Variants in IL16 observed in about 807,000 individuals in gnomAD.
IL16 encodes pro-interleukin-16.
A neutral mutation model predicts 110.1 loss-of-function variants in IL16; 67 were observed. That is an observed-to-expected ratio of 0.61 (90% CI 0.50 to 0.75). The LOEUF (loss-of-function observed/expected upper bound fraction) is 0.75, where lower values mean the gene tolerates loss of function less well. Ranked by LOEUF, IL16 falls within the 30% of genes least tolerant of loss-of-function variation. The pLI is 0.00. For missense variants in IL16, 1,545 were observed against 1,655.0 expected (o/e 0.93, Z 1.15); for synonymous variants, 689 against 662.9 (o/e 1.04, Z -0.61).
intron 1 of IL16, among the ~76,000 whole-genome samples, chr15:81,224,639 G>A (rs1051009874): frequency 2.0e-5 from 3 of 152,224 alleles, no homozygotes; most frequent in African/African-American, 4.8e-5. Flanking sequence ...CACTTGCCAA[G>A]TGTCACCTTC....
At chr15:81,213,750 T>G (rs1896329719) in intron 1 of IL16, among the ~76,000 whole-genome samples, 1 of 152,212 alleles carries the variant, frequency 6.6e-6, no homozygotes, top group Non-Finnish European at 1.5e-5. Flanking sequence ...CTCTATCCCT[T>G]TATTTTAAGT....
At position 81,313,196 on chromosome 15, in the gene IL16, C is replaced by T; in HGVS notation, c.*4398C>T. ...GCGTGCTCCCAGGCTCCTTGGTGTC[C>T]CAACAGCTGGAGCTCCTCGATGAGT... On this transcript the variant is annotated 3_prime_UTR_variant, in exon 19 of 19. Coordinates refer to ENST00000683961, the MANE Select transcript of IL16 (RefSeq NM_172217.5). 1.4e-6 allele frequency: 2 copies of T among 1,462,796 alleles called. No individual in the cohort carries two copies. The highest frequency in any genetic ancestry group is 1.8e-6 in the Non-Finnish European group (2 of 1,101,234). The allele number at this position is 1,462,796 out of a possible 1,614,324, so 90.6% of individuals were successfully genotyped here.
chr15:81,214,543 C>T (rs1023637724), intron 1 of IL16, among the ~76,000 whole-genome samples: 4 of 138,002 alleles, frequency 2.9e-5, no homozygotes, highest in African/African-American at 6.0e-5. Context: ...TCTCTAATTG[C>T]CTTTAAGATT....
intron 5 of IL16, among the ~76,000 whole-genome samples, chr15:81,272,788 C>G (rs1898699676): frequency 6.6e-6 from 1 of 152,232 alleles, no homozygotes; most frequent in Non-Finnish European, 1.5e-5. Flanking sequence ...ACTGGAGGGA[C>G]AGAGCCAGGG....
intron 3 of IL16, 115 bp downstream of exon 3, chr15:81,259,995 G>A: frequency 5.9e-6 from 4 of 678,382 alleles, no homozygotes; most frequent in Admixed American, 2.4e-5. Context: ...TAGCATTGGA[G>A]TCTGCTCAGC....
chr15:81,296,485 A>G (rs1184080329), intron 12 of IL16, among the ~76,000 whole-genome samples: 2 of 152,218 alleles, frequency 1.3e-5, no homozygotes, highest in Admixed American at 6.5e-5. Context: ...ACAGCAATTG[A>G]CAAGCATTTT....
rs1415196552 is a variant in IL16 at position 81,306,474 on chromosome 15, G to A, written c.3734G>A (p.Gly1245Asp). ...VTLEKMSAGL[G>D]FSLEGGKGSL... is the part of the protein sequence containing the mutation. ...CTGGAGAAGATGTCGGCAGGGCTGG[G>A]CTTCAGCCTGGAAGGAGGGAAGGGC... The change falls in exon 18 of 19, where the codon GGC (glycine) becomes GAC (aspartate). Residue 1245 changes from glycine (G) to aspartate (D), a missense_variant. By Grantham distance (94) the Gly-to-Asp change is moderately conservative. This residue lies in a region of IL16 where 356 missense variants were observed against 399.3 expected (regional missense o/e 0.89). Transcript: ENST00000683961. 3.7e-6 allele frequency: 6 copies of A among 1,613,504 alleles called. No individual in the cohort carries two copies. Among genetic ancestry groups the A allele is most frequent in the Non-Finnish European group, 5.1e-6 (6 of 1,179,872 alleles).
chr15:81,292,130 G>A (rs1345253166), intron 11 of IL16: 4 of 361,296 alleles, frequency 1.1e-5, no homozygotes, highest in Non-Finnish European at 2.2e-5. Context: ...GTCCTATGTT[G>A]GCCAACATAG....
chr15:81,258,682 G>A (rs925810018), intron 2 of IL16, among the ~76,000 whole-genome samples: 1 of 152,040 alleles, frequency 6.6e-6, no homozygotes, highest in African/African-American at 2.4e-5. Context: ...CCAGACAACA[G>A]AGCACCACCC....
chr15:81,306,481 C>T lies in IL16; in HGVS notation c.3741C>T (p.Ser1247=). ...AGATGTCGGCAGGGCTGGGCTTCAG[C>T]CTGGAAGGAGGGAAGGGCTCCCTAC... ...LEKMSAGLGF[S]LEGGKGSLHG... is the part of the protein sequence containing the mutation. The change falls in exon 18 of 19, where the codon AGC becomes AGT. Residue 1247 remains serine, a synonymous_variant. Transcript: ENST00000683961. 1 of 1,614,008 alleles carries T rather than the reference C, an allele frequency of 6.2e-7. No homozygotes were observed. The highest frequency in any genetic ancestry group is 8.5e-7 in the Non-Finnish European group (1 of 1,180,026).
upstream of IL16, among the ~76,000 whole-genome samples, chr15:81,194,227 C>A (rs533268955): frequency 6.6e-6 from 1 of 152,074 alleles, no homozygotes; most frequent in African/African-American, 2.4e-5. Flanking sequence ...TTGACAGAGC[C>A]GCTTAGTACA....
chr15:81,299,476 T>C lies in IL16; in HGVS notation c.2150T>C (p.Ile717Thr), dbSNP rs536694090. 1.6e-4 allele frequency: 257 copies of C among 1,614,170 alleles called. 2 individuals carry two copies. The South Asian group carries it at 2.3e-3, about 15-fold the overall frequency. ...ACAGCCGAAGACCCTTGGGTTAGGA[T>C]TTCTGACTGCATCAAAAACTTATTT... ...DTTAEDPWVRISDCIKNLFSP... is the reference protein window; with the variant it reads ...DTTAEDPWVRTSDCIKNLFSP... The change falls in exon 14 of 19, where the codon ATT becomes ACT. Residue 717 changes from isoleucine to threonine, a missense_variant. Physicochemically the swap from Ile to Thr is moderately conservative, Grantham distance 89. Around this residue, in one of 3 missense-constraint regions of IL16, gnomAD observed 1,185 missense variants for 1,238.8 expected, o/e 0.96. Coordinates refer to ENST00000683961, the MANE Select transcript of IL16 (RefSeq NM_172217.5).
chr15:81,232,042 G>GTTTTTTTTTTTTTTTTTT, intron 2 of IL16, among the ~76,000 whole-genome samples: 7 of 57,692 alleles, frequency 1.2e-4, no homozygotes, highest in Non-Finnish European at 1.7e-4. Context: ...ATTTGTTCTT[G>GTTTTTTTTTTTTTTTTTT]TTTTTTTTTT....
rs936833622 is a variant in IL16 at position 81,182,959 on chromosome 15, C to T, written c.40+63C>T. On this transcript the variant is annotated intron_variant, in intron 1 of 18. Coordinates refer to the IL16 transcript ENST00000302987. Reference sequence around the variant, plus strand: ...GGGAGGTTGGAATGGAGGGGTGGACCCTTCCTGACATCCTCCCAGGGGAAT... The same window carrying T: ...GGGAGGTTGGAATGGAGGGGTGGACTCTTCCTGACATCCTCCCAGGGGAAT... 9 of 1,047,700 alleles carry T rather than the reference C, an allele frequency of 8.6e-6. No individual in the cohort carries two copies. The South Asian group carries it at 9.2e-5, about 11-fold the overall frequency. 64.9% of individuals were successfully genotyped at this position (1,047,700 alleles called of 1,614,324 possible). A position where few individuals can be genotyped will look rare whatever the true frequency, so the allele number is the denominator to read the frequency against.
intron 2 of IL16, among the ~76,000 whole-genome samples, chr15:81,234,757 G>A (rs1369476507): frequency 6.8e-6 from 1 of 147,700 alleles, no homozygotes; most frequent in Non-Finnish European, 1.5e-5. Flanking sequence ...ATACAGGTAG[G>A]CCCTAGAATG....
At chr15:81,238,913 A>G (rs185549836) in intron 2 of IL16, among the ~76,000 whole-genome samples, 1 of 150,986 alleles carries the variant, frequency 6.6e-6, no homozygotes, top group African/African-American at 2.4e-5. Flanking sequence ...TATGGTTGAC[A>G]TGAATTTCTT....
chr15:81,218,897 G>A (rs533873842), intron 1 of IL16, among the ~76,000 whole-genome samples: 1 of 151,240 alleles, frequency 6.6e-6, no homozygotes, highest in African/African-American at 2.4e-5. Context: ...ATACATTTAG[G>A]TTTTTTCTCC....
Position 81,303,194 on chromosome 15 carries a change from TTTTG to T in IL16, c.3319-351_3319-348del. On this transcript the variant is annotated intron_variant, in intron 15 of 18. Coordinates refer to ENST00000683961, the MANE Select transcript of IL16 (RefSeq NM_172217.5). The surrounding 1 kb of genome is among the most constrained non-coding windows in gnomAD (Gnocchi z 4.1). ...TGTTTTGTTTTTTGTTGTTTTTTTT[TTTTG>T]TTTTGTTTTACCTGAAGTCCTACAA... The T allele has an allele frequency of 1.7e-5, 3 of 173,236 alleles. No individual in the cohort carries two copies. Among genetic ancestry groups the T allele is most frequent in the South Asian group, 1.2e-4 (1 of 8,682 alleles). 10.7% of individuals were successfully genotyped at this position (173,236 alleles called of 1,614,324 possible).
At chr15:81,224,040 A>G (rs1896706502) in intron 1 of IL16, among the ~76,000 whole-genome samples, 1 of 152,276 alleles carries the variant, frequency 6.6e-6, no homozygotes, top group Non-Finnish European at 1.5e-5. Context: ...TCAATCAATC[A>G]TTAATTCATT....
Sources: allele counts gnomAD v4.1 joint callset (sites outside exome capture counted in the v4.1 genomes callset), GRCh38; gene constraint gnomAD v4.1.1; regional missense constraint gnomAD v4.1.1; non-coding constraint Gnocchi (gnomAD v3.1); transcripts MANE v1.5; gene names NCBI Gene and HGNC (gene_info 2026-07-23, HGNC 2026-07-21).